Variants in GNPDA1 observed in about 807,000 individuals in gnomAD.
The protein encoded by GNPDA1 is GNPDA 1.
A neutral mutation model predicts 28.5 loss-of-function variants in GNPDA1; 24 were observed. The ratio of observed to expected loss-of-function variants is 0.84; its 90% CI spans 0.61 to 1.19. GNPDA1 has a LOEUF of 1.19. Among genes scored for constraint, GNPDA1 ranks in the 50% most tolerant of loss-of-function variants. The pLI is 0.00. For missense variants in GNPDA1, 264 were observed against 367.3 expected (o/e 0.72, Z 2.30); for synonymous variants, 147 against 139.3 (o/e 1.06, Z -0.39).
chr5:142,004,668 G>A (rs898812556), intron 5 of GNPDA1, among the ~76,000 whole-genome samples: 15 of 152,182 alleles, frequency 9.9e-5, no homozygotes, highest in Non-Finnish European at 1.6e-4. Flanking sequence ...AAGCATGAAA[G>A]GGGCCTGAGG....
rs879162246 is a variant in GNPDA1 at position 142,006,126 on chromosome 5, G to A, written c.409+18C>T. On this transcript the variant is annotated intron_variant, in intron 4 of 6. Coordinates refer to ENST00000311337, the MANE Select transcript of GNPDA1 (RefSeq NM_005471.5). ...GGGTCTGGCCCTGGACATGTGTGCTGCAGAGTGTCAAGCTCACCTCCAACA... is the reference window on the plus strand; with the variant it reads ...GGGTCTGGCCCTGGACATGTGTGCTACAGAGTGTCAAGCTCACCTCCAACA... 2 of 1,601,384 alleles carry A rather than the reference G, an allele frequency of 1.2e-6. No individual in the cohort carries two copies. Among genetic ancestry groups the A allele is most frequent in the South Asian group, 1.1e-5 (1 of 89,760 alleles).
At position 142,003,914 on chromosome 5, in the gene GNPDA1, G is replaced by C. The variant is rs2127089345; in HGVS notation, c.595-652C>G. 6.6e-6 allele frequency among the ~76,000 whole-genome samples: 1 copy of C among 152,222 alleles called. No individual in the cohort carries two copies. Among genetic ancestry groups the C allele is most frequent in the East Asian group, 1.9e-4 (1 of 5,186 alleles). On this transcript the variant is annotated intron_variant, in intron 5 of 6. Coordinates refer to ENST00000311337, the MANE Select transcript of GNPDA1 (RefSeq NM_005471.5). This position sits in a 1 kb window ranked among gnomAD's most constrained non-coding sequence, Gnocchi z 4.0. Reference sequence around the variant, plus strand: ...TCAGCTCTATTCAAGGGCAGGAAAAGAGAAAAAAACTCAGTTCTGTAGATT... The same window carrying C: ...TCAGCTCTATTCAAGGGCAGGAAAACAGAAAAAAACTCAGTTCTGTAGATT...
At chr5:142,011,399 A>G (rs957225874) in intron 2 of GNPDA1, among the ~76,000 whole-genome samples, 4 of 152,226 alleles carry the variant, frequency 2.6e-5, no homozygotes, top group African/African-American at 4.8e-5. Context: ...TGGGGTCAAA[A>G]TATCTTTCTG....
Position 142,012,073 on chromosome 5 carries a change from A to C in GNPDA1, c.-6-32T>G, listed in dbSNP as rs1041580024. On this transcript the variant is annotated intron_variant, in intron 1 of 6. Coordinates refer to ENST00000311337, the MANE Select transcript of GNPDA1 (RefSeq NM_005471.5). ...TGGGGGAGAGGGGATGACAGAAAGG[A>C]ATCAATGGTAAGGGGCAGAGAAAGA... The C allele has an allele frequency of 1.9e-6, 3 of 1,568,482 alleles. No homozygotes were observed. The African/African-American group carries it at 4.0e-5, about 21-fold the overall frequency.
Position 142,003,423 on chromosome 5 carries a change from G to A in GNPDA1, c.595-161C>T, listed in dbSNP as rs1322780569. On this transcript the variant is annotated intron_variant, in intron 5 of 6. Coordinates refer to ENST00000311337, the MANE Select transcript of GNPDA1 (RefSeq NM_005471.5). The surrounding 1 kb of genome is among the most constrained non-coding windows in gnomAD (Gnocchi z 4.0). ...TTATCACACAAATAACCCGAGGCAGGCAGCATCATTATCTCCATCTTATAA... is the reference window on the plus strand; with the variant it reads ...TTATCACACAAATAACCCGAGGCAGACAGCATCATTATCTCCATCTTATAA... 6.6e-6 allele frequency among the ~76,000 whole-genome samples: 1 copy of A among 152,174 alleles called. No individual in the cohort carries two copies. The highest frequency in any genetic ancestry group is 1.5e-5 in the Non-Finnish European group (1 of 68,040).
At chr5:142,012,704 C>G (rs1755993272) in intron 1 of GNPDA1, 2 of 979,080 alleles carry the variant, frequency 2.0e-6, no homozygotes, top group African/African-American at 1.8e-5. Flanking sequence ...TTCAGTTTCC[C>G]CCAAAGCACA....
Position 142,010,614 on chromosome 5 carries a change from C to T in GNPDA1, c.124+1298G>A, listed in dbSNP as rs1230272832. ...CCTCGACCTCCTGGCCCAAGCAATA[C>T]TCACACCTCACACCGTAGCCTCCTC... On this transcript the variant is annotated intron_variant, in intron 2 of 6. Coordinates refer to ENST00000311337, the MANE Select transcript of GNPDA1 (RefSeq NM_005471.5). Among the ~76,000 whole-genome samples, 6 of 151,032 alleles carry T rather than the reference C, an allele frequency of 4.0e-5. 1 individual carries two copies.
At chr5:142,012,197 G>A in intron 1 of GNPDA1, 156 bp from the exon 2 acceptor site, 1 of 678,004 alleles carries the variant, frequency 1.5e-6, no homozygotes, top group Non-Finnish European at 2.3e-6. Context: ...GAGGAGCTAA[G>A]AGGCTAGGCC....
chr5:142,008,004 G>C (rs1755851067), intron 2 of GNPDA1, 104 bp from the exon 3 acceptor site: 1 of 703,932 alleles, frequency 1.4e-6, no homozygotes, highest in Non-Finnish European at 2.6e-6. Flanking sequence ...GAACCTGTCA[G>C]ATCTGAAGTC....
At chr5:142,012,202 T>C (rs747036655) in intron 1 of GNPDA1, 161 bp from the exon 2 acceptor site, 3 of 629,474 alleles carry the variant, frequency 4.8e-6, no homozygotes, top group Non-Finnish European at 7.6e-6. Context: ...GCTAAGAGGC[T>C]AGGCCAGTCG....
At chr5:142,006,115 A>G in intron 4 of GNPDA1, 29 bp downstream of exon 4, 3 of 1,584,206 alleles carry the variant, frequency 1.9e-6, no homozygotes, top group Non-Finnish European at 2.6e-6. Flanking sequence ...CTGGCCCTGG[A>G]CATGTGTGCT....
chr5:142,007,909 G>A lies in GNPDA1; in HGVS notation c.125-9C>T, dbSNP rs776772069. 1 of 1,535,854 alleles carries A rather than the reference G, an allele frequency of 6.5e-7. No individual in the cohort carries two copies. The highest frequency in any genetic ancestry group is 2.2e-5 in the East Asian group (1 of 44,550). ...GCCAAGTGGGGTACTCCCTGCAAGA[G>A]TGGCCACACCCATGAACACCCCTTG... On this transcript the variant is annotated splice_polypyrimidine_tract_variant and intron_variant, in intron 2 of 6. Transcript: ENST00000311337.
intron 2 of GNPDA1, among the ~76,000 whole-genome samples, chr5:142,009,309 G>T (rs1017225461): frequency 1.3e-5 from 2 of 151,678 alleles, no homozygotes; most frequent in Non-Finnish European, 2.9e-5. Flanking sequence ...TTATTCTAAG[G>T]CTCCACAGAA....
Position 142,003,334 on chromosome 5 carries a change from GT to G in GNPDA1, c.595-73del. ...ACCCTAAACAGTTGTAAGGATGATT[GT>G]TTTTCATATCACATTGTAAGTGGTT... On this transcript the variant is annotated intron_variant, in intron 5 of 6. Coordinates refer to ENST00000311337, the MANE Select transcript of GNPDA1 (RefSeq NM_005471.5). The surrounding 1 kb of genome is among the most constrained non-coding windows in gnomAD (Gnocchi z 4.0). The G allele has an allele frequency of 9.9e-7, 1 of 1,008,090 alleles. No individual in the cohort carries two copies. The highest frequency in any genetic ancestry group is 1.5e-6 in the Non-Finnish European group (1 of 668,294). The allele number at this position is 1,008,090 out of a possible 1,614,324, so 62.4% of individuals were successfully genotyped here.
intron 3 of GNPDA1, among the ~76,000 whole-genome samples, chr5:142,006,730 C>G (rs1208771557): frequency 6.6e-6 from 1 of 152,140 alleles, no homozygotes. Context: ...ACCCACCATC[C>G]ACTCCCAGTT....
rs1755682492 is a variant in GNPDA1, at chr5:142,001,765, TAAAAC to T, written c.*259_*263del. ...CATGGCTGAAGCAGAACAAAAAGTT[TAAAAC>T]TCCCAACCTGGGTTTGGCAGACATC... On this transcript the variant is annotated 3_prime_UTR_variant, in exon 7 of 7. Coordinates refer to ENST00000311337, the MANE Select transcript of GNPDA1 (RefSeq NM_005471.5). 1 of 305,436 alleles carries T rather than the reference TAAAAC, an allele frequency of 3.3e-6. No homozygotes were observed. Among genetic ancestry groups the T allele is most frequent in the African/African-American group, 2.2e-5 (1 of 45,668 alleles). 18.9% of individuals were successfully genotyped at this position (305,436 alleles called of 1,614,324 possible). A position where few individuals can be genotyped will look rare whatever the true frequency, so the allele number is the denominator to read the frequency against.
rs913406563 is a variant in GNPDA1, at chr5:142,000,912, C to T, written c.*1117G>A. 6.6e-6 allele frequency: 1 copy of T among 152,540 alleles called. No individual in the cohort carries two copies. The highest frequency in any genetic ancestry group is 1.9e-4 in the East Asian group (1 of 5,322). The allele number at this position is 152,540 out of a possible 1,614,324, so 9.4% of individuals were successfully genotyped here. ...GAGGCAGCATCCACTCCATGAAGGC[C>T]TAAGACAATGAAAGGAAGCCAGAGC... is the stretch of plus-strand genomic sequence containing the variant. On this transcript the variant is annotated 3_prime_UTR_variant, in exon 7 of 7. Transcript: ENST00000311337.
chr5:142,007,775 G>T, intron 3 of GNPDA1, 24 bp downstream of exon 3: 2 of 1,383,330 alleles, frequency 1.4e-6, no homozygotes, highest in Non-Finnish European at 2.1e-6. Context: ...AATCAGGAAA[G>T]AACCTTGAAA....
chr5:142,007,694 A>G, intron 3 of GNPDA1, 105 bp downstream of exon 3: 1 of 719,170 alleles, frequency 1.4e-6, no homozygotes, highest in South Asian at 1.7e-5. Context: ...TGAGCCTATC[A>G]TCAAATGTCA....
Sources: allele counts gnomAD v4.1 joint callset (sites outside exome capture counted in the v4.1 genomes callset), GRCh38; gene constraint gnomAD v4.1.1; non-coding constraint Gnocchi (gnomAD v3.1); transcripts MANE v1.5; gene names NCBI Gene and HGNC (gene_info 2026-07-23, HGNC 2026-07-21).